The following MGST2 variants were observed in gnomAD, a reference collection of about 807,000 sequenced individuals.
The protein encoded by MGST2 is glutathione peroxidase MGST2.
In MGST2, 9 loss-of-function variants were observed where a neutral mutation model predicts 16.6. The ratio of observed to expected loss-of-function variants is 0.54; its 90% confidence interval spans 0.33 to 0.95. The LOEUF is 0.95. Ranked by LOEUF, MGST2 falls within the 40% of genes least tolerant of loss-of-function variation. MGST2 has a pLI of 0.03. For missense variants in MGST2, 159 were observed against 175.1 expected, an observed-to-expected ratio of 0.91 and a Z score of 0.52; for synonymous variants, 79 against 68.0, an observed-to-expected ratio of 1.16 and a Z score of -0.79.
At chr4:139,704,906 ACT>A (rs1333076056), downstream of MGST2, among the ~76,000 whole-genome samples, 1 of 152,030 alleles carries the variant, frequency 6.6e-6, no homozygotes, top group African/African-American at 2.4e-5. Flanking sequence ...TGGGTGACAG[ACT>A]CTGTCTCAAA....
At chr4:139,734,713 GTTTA>G (rs1189524040) in intron 5 of MGST2, among the ~76,000 whole-genome samples, 1 of 152,268 alleles carries the variant, frequency 6.6e-6, no homozygotes, top group Non-Finnish European at 1.5e-5. Context: ...ACAGCCAGCT[GTTTA>G]TTTATAAATC....
intron 1 of MGST2, among the ~76,000 whole-genome samples, chr4:139,672,390 C>T (rs1298629285): frequency 2.0e-5 from 3 of 152,112 alleles, no homozygotes; most frequent in Non-Finnish European, 2.9e-5. Context: ...GTCCTCATTT[C>T]CCCCTCAATG....
intron 2 of MGST2, among the ~76,000 whole-genome samples, chr4:139,689,404 A>G (rs1726441507): frequency 6.6e-6 from 1 of 152,186 alleles, no homozygotes; most frequent in African/African-American, 2.4e-5. Context: ...GAGTTACTTG[A>G]CAAGGAGCAA....
chr4:139,717,070 A>C (rs564702888), intron 5 of MGST2: 2 of 151,980 alleles, frequency 1.3e-5, no homozygotes, highest in East Asian at 1.9e-4. Flanking sequence ...TTTTTTACAG[A>C]TAGTAGACCC....
At chr4:139,688,662 G>A (rs773824582) in intron 2 of MGST2, among the ~76,000 whole-genome samples, 32 of 152,076 alleles carry the variant, frequency 2.1e-4, no homozygotes, top group Non-Finnish European at 4.3e-4. Context: ...TTCAGGTATT[G>A]TGCAACTATA....
chr4:139,742,149 CT>C (rs67056013), downstream of MGST2, among the ~76,000 whole-genome samples: 80,531 of 112,976 alleles, frequency 0.71, 25,501 homozygotes, highest in Middle Eastern at 0.83. Context: ...CTTTTCTTTT[CT>C]TTTTTTTTTT....
At chr4:139,693,627 A>G (rs1264299766) in intron 2 of MGST2, among the ~76,000 whole-genome samples, 1 of 152,192 alleles carries the variant, frequency 6.6e-6, no homozygotes, top group Non-Finnish European at 1.5e-5. Context: ...AAAGATGTTA[A>G]TGGAAAGACA....
the MGST2 span, among the ~76,000 whole-genome samples, chr4:139,748,710 C>CT: frequency 2.0e-5 from 3 of 151,954 alleles, no homozygotes; most frequent in African/African-American, 4.8e-5. Context: ...GGTAAAATTT[C>CT]TTTTTTTCTT....
Position 139,727,982 on chromosome 4 carries a change from G to A in MGST2, c.*49-12230G>A, listed in dbSNP as rs541508841. 1.8e-3 allele frequency among the ~76,000 whole-genome samples: 276 copies of A among 152,266 alleles called. 2 individuals are homozygous for A. Among genetic ancestry groups the A allele is most frequent in the African/African-American group, 4.9e-3 (202 of 41,550 alleles). ...TGTAACCCCAGCACTTTGGGAGGCC[G>A]AGGCAGGCAGATTGCTTGAGCCCAG... On this transcript the variant is annotated intron_variant, in intron 5 of 5. Transcript: ENST00000616265.
At chr4:139,681,227 A>G (rs1731225026) in intron 2 of MGST2, among the ~76,000 whole-genome samples, 1 of 152,172 alleles carries the variant, frequency 6.6e-6, no homozygotes, top group Non-Finnish European at 1.5e-5. Flanking sequence ...CATGTTGCCC[A>G]GTCTGGTCTC....
At chr4:139,726,783 C>T (rs952938346) in intron 5 of MGST2, among the ~76,000 whole-genome samples, 4 of 152,180 alleles carry the variant, frequency 2.6e-5, no homozygotes, top group East Asian at 1.9e-4. Context: ...CTTCCACTCA[C>T]GGGGATGCTG....
Position 139,732,024 on chromosome 4 carries a change from A to G in MGST2, c.*49-8188A>G, listed in dbSNP as rs555258259. ...GTTTCAAGTAATTAATGTGAAATGG[A>G]GGAGTTGACACAGATTAAATGGGCA... On this transcript the variant is annotated intron_variant, in intron 5 of 5. Coordinates refer to the MGST2 transcript ENST00000616265. Among the ~76,000 whole-genome samples, 6 of 152,368 alleles carry G rather than the reference A, an allele frequency of 3.9e-5. No individual in the cohort carries two copies. In the South Asian group the frequency reaches 1.2e-3, roughly 32 times the overall value.
At chr4:139,753,357 T>TATC in the MGST2 span, among the ~76,000 whole-genome samples, 4 of 151,456 alleles carry the variant, frequency 2.6e-5, no homozygotes, top group East Asian at 7.8e-4. Context: ...TCTATCTATC[T>TATC]ATCTATCTAT....
chr4:139,680,040 G>GGA (rs1731156305), intron 2 of MGST2, among the ~76,000 whole-genome samples: 2 of 152,036 alleles, frequency 1.3e-5, no homozygotes, highest in Non-Finnish European at 2.9e-5. Context: ...TTACTACTTT[G>GGA]GGTATTTACT....
chr4:139,720,050 G>A (rs1458910037), intron 5 of MGST2: 1 of 1,614,078 alleles, frequency 6.2e-7, no homozygotes, highest in Non-Finnish European at 8.5e-7. Context: ...CGGTCCCTGG[G>A]CTTGGTTATG....
At chr4:139,691,672 TGATGATG>T (rs1726590656) in intron 2 of MGST2, among the ~76,000 whole-genome samples, 1 of 130,274 alleles carries the variant, frequency 7.7e-6, no homozygotes, top group African/African-American at 3.5e-5. Flanking sequence ...AGTCAGATGA[TGATGATG>T]ATGATGATGA....
At chr4:139,670,995 C>T (rs1356395512) in intron 1 of MGST2, among the ~76,000 whole-genome samples, 1 of 151,988 alleles carries the variant, frequency 6.6e-6, no homozygotes, top group African/African-American at 2.4e-5. Flanking sequence ...TTTAAAAGAA[C>T]TGGCCTAATG....
chr4:139,665,820 T>C lies in MGST2; in HGVS notation c.-200T>C, dbSNP rs1730300097. 5 of 652,152 alleles carry C rather than the reference T, an allele frequency of 7.7e-6. No homozygotes were observed. Among genetic ancestry groups the C allele is most frequent in the Non-Finnish European group, 1.4e-5 (5 of 359,464 alleles). The allele number at this position is 652,152 out of a possible 1,614,324, so 40.4% of individuals were successfully genotyped here. ...ACGCCGGAAGCAACTCCCAGCCCCATAAAGATCTGTGACCGGCAGCCCCAG... is the reference window on the plus strand; with the variant it reads ...ACGCCGGAAGCAACTCCCAGCCCCACAAAGATCTGTGACCGGCAGCCCCAG... On this transcript the variant is annotated 5_prime_UTR_variant, in exon 1 of 5. Coordinates refer to ENST00000265498, the MANE Select transcript of MGST2 (RefSeq NM_002413.5).
At chr4:139,698,727 T>C (rs1004504775) in intron 3 of MGST2, among the ~76,000 whole-genome samples, 1 of 152,244 alleles carries the variant, frequency 6.6e-6, no homozygotes, top group Non-Finnish European at 1.5e-5. Flanking sequence ...GTGCAAGGTT[T>C]TTCCCCCTGC....
Sources: allele counts gnomAD v4.1 joint callset (sites outside exome capture counted in the v4.1 genomes callset), GRCh38; gene constraint gnomAD v4.1.1; transcripts MANE v1.5; gene names NCBI Gene and HGNC (gene_info 2026-07-23, HGNC 2026-07-21).